KMT2C: variants seen among roughly 807,000 people sequenced by gnomAD.
The protein encoded by KMT2C is histone-lysine N-methyltransferase 2C.
In KMT2C, 88 loss-of-function variants were observed where a neutral mutation model predicts 507.9. The observed-to-expected ratio is 0.17, with a 90% CI of 0.15 to 0.21. The LOEUF (loss-of-function observed/expected upper bound fraction) is 0.21. Among genes scored for constraint, KMT2C ranks in the 10% least tolerant of loss-of-function variants. The pLI, the probability that KMT2C is intolerant of heterozygous loss-of-function variation, is 1.00. For missense variants in KMT2C, 4,954 were observed against 5,957.8 expected, an observed-to-expected ratio of 0.83 and a Z score of 5.55; for synonymous variants, 2,049 against 2,080.8, an observed-to-expected ratio of 0.98 and a Z score of 0.42.
At chr7:152,350,214 C>T (rs1162017248) in intron 2 of KMT2C, among the ~76,000 whole-genome samples, 2 of 152,096 alleles carry the variant, frequency 1.3e-5, no homozygotes, top group Non-Finnish European at 2.9e-5. Context: ...TGCACCATTG[C>T]ACTCCAGCTT....
chr7:152,259,518 G>A (rs1461472868), intron 9 of KMT2C, among the ~76,000 whole-genome samples: 1 of 150,606 alleles, frequency 6.6e-6, no homozygotes, highest in Non-Finnish European at 1.5e-5. Flanking sequence ...CATGCCCAGT[G>A]ACAATGAAAT....
chr7:152,141,287 G>A (rs1281307718), intron 55 of KMT2C, among the ~76,000 whole-genome samples: 3 of 152,062 alleles, frequency 2.0e-5, no homozygotes, highest in African/African-American at 7.2e-5. Context: ...TGGCACCACT[G>A]CACTCCAGTC....
At chr7:152,223,868 G>A (rs1410870735) in intron 20 of KMT2C, 147 bp downstream of exon 20, 4 of 596,200 alleles carry the variant, frequency 6.7e-6, no homozygotes, top group Admixed American at 3.3e-5. Flanking sequence ...AATCGCTTCT[G>A]TAAGTTTCTA....
intron 1 of KMT2C, among the ~76,000 whole-genome samples, chr7:152,395,736 G>A (rs2097534475): frequency 6.6e-6 from 1 of 152,062 alleles, no homozygotes; most frequent in Non-Finnish European, 1.5e-5. Context: ...TCAAACTCCT[G>A]ACCTCAAGTG....
rs1412300038 is a variant in KMT2C, at chr7:152,174,260, A to T, written c.9263-18T>A. 7.6e-7 allele frequency: 1 copy of T among 1,314,436 alleles called. No individual in the cohort carries two copies. Among genetic ancestry groups the T allele is most frequent in the Non-Finnish European group, 1.1e-6 (1 of 916,520 alleles). The allele number at this position is 1,314,436 out of a possible 1,614,324, so 81.4% of individuals were successfully genotyped here. ...ATCAAAATCTAGAAAAGAAATATAAAGTTACTTATTTCATAGTAATTAGTT... is the reference window on the plus strand; with the variant it reads ...ATCAAAATCTAGAAAAGAAATATAATGTTACTTATTTCATAGTAATTAGTT... On this transcript the variant is annotated intron_variant, in intron 38 of 58. Coordinates refer to ENST00000262189, the MANE Select transcript of KMT2C (RefSeq NM_170606.3).
intron 44 of KMT2C, among the ~76,000 whole-genome samples, chr7:152,158,561 G>A: frequency 6.6e-6 from 1 of 151,566 alleles, no homozygotes; most frequent in Admixed American, 6.6e-5. Flanking sequence ...TGTCACCCAG[G>A]CTGGAGTGCA....
In KMT2C at chr7:152,252,109, T is replaced by A. The variant is rs373873748; in HGVS notation, c.1470-19A>T. The A allele has an allele frequency of 2.6e-6, 4 of 1,545,154 alleles. No individual in the cohort carries two copies. The highest frequency in any genetic ancestry group is 3.5e-6 in the Non-Finnish European group (4 of 1,142,868). ...AACCCACCTGCAGTGATAAGTATAC[T>A]TAAATAAAAATTTCTAACATCGAGT... is the stretch of plus-strand genomic sequence containing the variant. On this transcript the variant is annotated intron_variant, in intron 10 of 58. Transcript: ENST00000262189.
At chr7:152,164,228 TAACTC>T (rs1275986107) in intron 42 of KMT2C, among the ~76,000 whole-genome samples, 2 of 152,208 alleles carry the variant, frequency 1.3e-5, no homozygotes, top group East Asian at 3.9e-4. Context: ...ATAACAGACT[TAACTC>T]AAACTTGAAC....
At chr7:152,315,928 T>A (rs911968197) in intron 3 of KMT2C, among the ~76,000 whole-genome samples, 4 of 151,818 alleles carry the variant, frequency 2.6e-5, no homozygotes, top group Non-Finnish European at 5.9e-5. Flanking sequence ...ACAAAAAAAA[T>A]GCAAGTTAAA....
intron 6 of KMT2C, among the ~76,000 whole-genome samples, chr7:152,304,266 A>T (rs1324876383): frequency 6.6e-6 from 1 of 152,218 alleles, no homozygotes; most frequent in Non-Finnish European, 1.5e-5. Context: ...TCTAATTAGA[A>T]GTAGTACATG....
At chr7:152,154,489 AC>A in intron 46 of KMT2C, 44 bp from the exon 47 acceptor site, 2 of 1,571,036 alleles carry the variant, frequency 1.3e-6, no homozygotes, top group Non-Finnish European at 1.7e-6. Context: ...CAAATCCACC[AC>A]TGGGGGCTTC....
chr7:152,422,244 C>T (rs529061808), intron 1 of KMT2C, among the ~76,000 whole-genome samples: 6 of 146,788 alleles, frequency 4.1e-5, no homozygotes, highest in African/African-American at 1.3e-4. Flanking sequence ...GTCAGTATTT[C>T]GAGACCAGCC....
At chr7:152,390,808 A>C (rs1294385440) in intron 1 of KMT2C, among the ~76,000 whole-genome samples, 4 of 152,174 alleles carry the variant, frequency 2.6e-5, no homozygotes, top group African/African-American at 9.7e-5. Flanking sequence ...CCAGATGTAT[A>C]AGATAGAGCC....
chr7:152,222,694 A>G lies in KMT2C; in HGVS notation c.3324-12T>C. On this transcript the variant is annotated splice_polypyrimidine_tract_variant and intron_variant, in intron 20 of 58. Coordinates refer to ENST00000262189, the MANE Select transcript of KMT2C (RefSeq NM_170606.3). ...CTGCATGCATCCATCTAAAAAGACC[A>G]TATTTGTACATTTTTTTTAAAAAAT... is the stretch of plus-strand genomic sequence containing the variant. 4 of 1,469,176 alleles carry G rather than the reference A, an allele frequency of 2.7e-6. No homozygotes were observed. Among genetic ancestry groups the G allele is most frequent in the Non-Finnish European group, 3.8e-6 (4 of 1,050,700 alleles). 91.0% of individuals were successfully genotyped at this position (1,469,176 alleles called of 1,614,324 possible). A position where few individuals can be genotyped will look rare whatever the true frequency, so the allele number is the denominator to read the frequency against.
At chr7:152,373,661 C>T (rs1227138806) in intron 1 of KMT2C, among the ~76,000 whole-genome samples, 1 of 152,100 alleles carries the variant, frequency 6.6e-6, no homozygotes, top group African/African-American at 2.4e-5. Context: ...AGTTTATCAA[C>T]TGAAATGTTA....
intron 1 of KMT2C, among the ~76,000 whole-genome samples, chr7:152,374,139 C>A (rs989459333): frequency 4.1e-5 from 6 of 146,614 alleles, no homozygotes; most frequent in African/African-American, 1.3e-4. Flanking sequence ...ATGGTGAAAC[C>A]CCGAGATCTC....
chr7:152,426,720 C>T (rs1033098326), intron 1 of KMT2C, among the ~76,000 whole-genome samples: 1 of 152,162 alleles, frequency 6.6e-6, no homozygotes. Flanking sequence ...CTAAATTCTA[C>T]ACATATATAT....
chr7:152,378,121 T>C (rs778517215), intron 1 of KMT2C, among the ~76,000 whole-genome samples: 8 of 152,178 alleles, frequency 5.3e-5, no homozygotes, highest in Non-Finnish European at 1.2e-4. Flanking sequence ...GGCTGTGAAA[T>C]TGTTGAATAA....
At position 152,284,245 on chromosome 7, in the gene KMT2C, T is replaced by C. The variant is rs182141259; in HGVS notation, c.850-10378A>G. On this transcript the variant is annotated intron_variant, in intron 6 of 58. Transcript: ENST00000262189. Reference sequence around the variant, plus strand: ...GAAAAAAAATCTTTATGTTTGGTTTTGGTAAAAGGAGAGACAAATAAGTCA... The same window carrying C: ...GAAAAAAAATCTTTATGTTTGGTTTCGGTAAAAGGAGAGACAAATAAGTCA... Among the ~76,000 whole-genome samples, 5 of 152,226 alleles carry C rather than the reference T, an allele frequency of 3.3e-5. No individual in the cohort carries two copies. In the East Asian group the frequency reaches 9.6e-4, roughly 29 times the overall value.
Sources: gnomAD v4.1 joint callset for allele counts (sites outside exome capture counted in the v4.1 genomes callset) on GRCh38, gnomAD v4.1.1 for gene constraint, MANE v1.5 for transcripts, NCBI Gene and HGNC (gene_info 2026-07-23, HGNC 2026-07-21) for gene names.